The following CTCF variants were observed in gnomAD, a reference collection of about 807,000 sequenced individuals.
The protein encoded by CTCF is transcriptional repressor CTCF.
Under a neutral mutation model 72.3 loss-of-function variants are expected in CTCF, and 7 were observed. That is an observed-to-expected ratio of 0.10 (90% CI 0.06 to 0.18). The LOEUF (loss-of-function observed/expected upper bound fraction) is 0.18, where lower values mean the gene tolerates loss of function less well. Ranked by LOEUF, CTCF falls within the 10% of genes least tolerant of loss-of-function variation. The pLI, the probability that CTCF is intolerant of heterozygous loss-of-function variation, is 1.00. For missense variants in CTCF, 516 were observed against 949.1 expected, an observed-to-expected ratio of 0.54 and a Z score of 6.00; for synonymous variants, 374 against 315.8, an observed-to-expected ratio of 1.18 and a Z score of -1.95.
chr16:67,622,057 TTAA>T (rs531517209), intron 7 of CTCF, among the ~76,000 whole-genome samples: 4 of 152,258 alleles, frequency 2.6e-5, no homozygotes, highest in South Asian at 4.1e-4. Flanking sequence ...CCGGAGTTTA[TTAA>T]TAATATTTAG....
At chr16:67,602,707 G>A (rs1462781041) in intron 2 of CTCF, among the ~76,000 whole-genome samples, 1 of 151,988 alleles carries the variant, frequency 6.6e-6, no homozygotes, top group Non-Finnish European at 1.5e-5. Flanking sequence ...CAGGTGTGGT[G>A]GCGCATGCCT....
intron 2 of CTCF, among the ~76,000 whole-genome samples, chr16:67,609,687 G>A (rs979009099): frequency 1.3e-5 from 2 of 149,964 alleles, no homozygotes; most frequent in Non-Finnish European, 3.0e-5. Flanking sequence ...GCAGTGGCGC[G>A]ATCTTGGCTC....
rs775980553 is a variant in CTCF, at chr16:67,612,141, G to A, written c.952+20G>A. The A allele has an allele frequency of 4.4e-6, 7 of 1,598,292 alleles. No individual in the cohort carries two copies. The Admixed American group carries it at 1.0e-4, about 24-fold the overall frequency. On this transcript the variant is annotated intron_variant, in intron 4 of 11. Transcript: ENST00000264010. Reference sequence around the variant, plus strand: ...ACACAGGTGCTGGATAAGAATGTTGGGGGCTACAACAGCAAATGCTCAGAC... The same window carrying A: ...ACACAGGTGCTGGATAAGAATGTTGAGGGCTACAACAGCAAATGCTCAGAC...
chr16:67,585,265 G>A (rs939033674), intron 2 of CTCF, among the ~76,000 whole-genome samples: 3 of 152,156 alleles, frequency 2.0e-5, no homozygotes, highest in East Asian at 1.9e-4. Context: ...GGTCAGGCTC[G>A]TCTCAAACTC....
intron 2 of CTCF, among the ~76,000 whole-genome samples, chr16:67,589,463 A>G (rs1014546647): frequency 6.6e-6 from 1 of 152,140 alleles, no homozygotes. Context: ...GGTCCACCTC[A>G]TCATTTGATA....
At chr16:67,576,941 C>G (rs2051505823) in intron 2 of CTCF, among the ~76,000 whole-genome samples, 1 of 152,054 alleles carries the variant, frequency 6.6e-6, no homozygotes, top group South Asian at 2.1e-4. Context: ...ATGGTATGAT[C>G]TCGTGAGAGT....
chr16:67,618,703 C>A (rs1284221867), intron 5 of CTCF, among the ~76,000 whole-genome samples: 1 of 152,086 alleles, frequency 6.6e-6, no homozygotes, highest in Admixed American at 6.6e-5. Flanking sequence ...ATAAGATAAG[C>A]ATACAGAAAT....
chr16:67,608,473 C>T (rs569124695), intron 2 of CTCF, among the ~76,000 whole-genome samples: 54 of 152,200 alleles, frequency 3.5e-4, no homozygotes, highest in African/African-American at 1.3e-3. Context: ...ACGGCCATTG[C>T]AGTCTGGATC....
At chr16:67,626,764 T>A in intron 8 of CTCF, 49 bp downstream of exon 8, 1 of 1,320,178 alleles carries the variant, frequency 7.6e-7, no homozygotes, top group Non-Finnish European at 9.9e-7. Context: ...TGTCTGGTGT[T>A]ATCAGAGGGC....
chr16:67,603,344 A>G (rs1021818791), intron 2 of CTCF, among the ~76,000 whole-genome samples: 3 of 152,154 alleles, frequency 2.0e-5, no homozygotes, highest in East Asian at 3.9e-4. Flanking sequence ...CCTGCCTAAC[A>G]TGGTGAAACC....
At position 67,638,869 on chromosome 16, in the gene CTCF, T is replaced by G. The variant is rs1271225659; in HGVS notation, c.*997T>G. ...TGGATCTTCAAAAAATAAAATAATG[T>G]GAAGCAAAACCAACTAAAAAGTGAT... On this transcript the variant is annotated 3_prime_UTR_variant, in exon 12 of 12. Transcript: ENST00000264010. 1 of 208,082 alleles carries G rather than the reference T, an allele frequency of 4.8e-6. No homozygotes were observed. The highest frequency in any genetic ancestry group is 9.8e-6 in the Non-Finnish European group (1 of 101,834). The allele number at this position is 208,082 out of a possible 1,614,324, so 12.9% of individuals were successfully genotyped here. A position where few individuals can be genotyped will look rare whatever the true frequency, so the allele number is the denominator to read the frequency against.
At chr16:67,619,849 G>T (rs1366170200) in intron 5 of CTCF, among the ~76,000 whole-genome samples, 1 of 152,198 alleles carries the variant, frequency 6.6e-6, no homozygotes, top group Admixed American at 6.5e-5. Context: ...CTGCCAAAGT[G>T]CTGGGACTAC....
intron 7 of CTCF, among the ~76,000 whole-genome samples, chr16:67,625,021 T>TTTATGG (rs1179951608): frequency 1.3e-5 from 2 of 152,066 alleles, no homozygotes; most frequent in Non-Finnish European, 2.9e-5. Context: ...ACTTCCCTGG[T>TTTATGG]TTAAATGATT....
At chr16:67,613,057 CTACT>C (rs1252182908) in intron 4 of CTCF, among the ~76,000 whole-genome samples, 2 of 152,210 alleles carry the variant, frequency 1.3e-5, no homozygotes, top group Non-Finnish European at 2.9e-5. Flanking sequence ...TTTGAGCATC[CTACT>C]TACTTTAGTG....
At chr16:67,633,262 TG>T (rs2052387359) in intron 10 of CTCF, among the ~76,000 whole-genome samples, 2 of 88,124 alleles carry the variant, frequency 2.3e-5, no homozygotes, top group African/African-American at 4.2e-4. Flanking sequence ...GATCCCCAGG[TG>T]TCACTATTAA....
At chr16:67,593,965 T>C (rs1475761857) in intron 2 of CTCF, among the ~76,000 whole-genome samples, 1 of 152,222 alleles carries the variant, frequency 6.6e-6, no homozygotes, top group South Asian at 2.1e-4. Context: ...ACATATTTGC[T>C]ATGTAGTCAT....
At chr16:67,571,119 T>C (rs2051413342) in intron 1 of CTCF, 29 bp from the exon 2 acceptor site, 1 of 152,568 alleles carries the variant, frequency 6.6e-6, no homozygotes, top group Non-Finnish European at 1.5e-5. Flanking sequence ...ATTTAGTGTT[T>C]CATAAAATGA....
At chr16:67,563,162 C>T (rs575006687) in intron 1 of CTCF, 2 of 152,402 alleles carry the variant, frequency 1.3e-5, no homozygotes, top group East Asian at 1.9e-4. Context: ...GGCTTCGGCG[C>T]CCGCCTAGCT....
Position 67,610,938 on chromosome 16 carries a change from G to T in CTCF, c.106G>T (p.Asp36Tyr). Residue 36 changes from aspartate to tyrosine, a missense_variant, in exon 3 of 12, where the codon GAT (aspartate) becomes TAT (tyrosine). By Grantham distance (160) the Asp-to-Tyr change is radical. This residue lies in a region of CTCF where 148 missense variants were observed against 194.9 expected (regional missense o/e 0.76). Coordinates refer to ENST00000264010, the MANE Select transcript of CTCF (RefSeq NM_006565.4). The stretch of plus-strand genomic sequence containing the variant: ...ACGCCGGGAAGGGGGCCAGGAAGAA[G>T]ATGCCTGCCACTTACCCCAGAACCA... ...QRRREGGQEE[D>Y]ACHLPQNQTD... is the part of the protein sequence containing the mutation. The T allele has an allele frequency of 6.4e-7, 1 of 1,561,060 alleles. No homozygotes were observed. The highest frequency in any genetic ancestry group is 8.7e-7 in the Non-Finnish European group (1 of 1,151,586).
Sources: allele counts gnomAD v4.1 joint callset (sites outside exome capture counted in the v4.1 genomes callset), GRCh38; gene constraint gnomAD v4.1.1; regional missense constraint gnomAD v4.1.1; transcripts MANE v1.5; gene names NCBI Gene and HGNC (gene_info 2026-07-23, HGNC 2026-07-21).